RBM19: variants seen among roughly 807,000 people sequenced by gnomAD.
RBM19 encodes RNA binding motif protein 19.
Under a neutral mutation model 116.8 loss-of-function variants are expected in RBM19, and 94 were observed. That is an observed-to-expected ratio of 0.80 (90% CI 0.68 to 0.95). RBM19 has a LOEUF of 0.95. RBM19 is among the 40% of genes least tolerant of loss of function. RBM19 has a pLI of 0.00. For synonymous variants in RBM19, 475 were observed against 494.1 expected (o/e 0.96, Z 0.51); for missense variants, 1,161 against 1,220.7 (o/e 0.95, Z 0.73).
rs928311117 is a variant in RBM19, at chr12:113,846,290, C to T, written c.2665-1502G>A. The stretch of plus-strand genomic sequence containing the variant: ...TTTTATGCTGTGAAGAATCATATAA[C>T]TGGAAGGGTCTGGATGGGAACCCAT... On this transcript the variant is annotated intron_variant, in intron 22 of 23. Transcript: ENST00000261741. 3.3e-5 allele frequency among the ~76,000 whole-genome samples: 5 copies of T among 152,286 alleles called. No homozygotes were observed. The East Asian group carries it at 7.7e-4, about 24-fold the overall frequency.
At chr12:113,904,003 CT>C (rs891438035) in intron 21 of RBM19, among the ~76,000 whole-genome samples, 1 of 152,062 alleles carries the variant, frequency 6.6e-6, no homozygotes, top group Non-Finnish European at 1.5e-5. Context: ...AACTCAAGAT[CT>C]TTTTTTTGAA....
At position 113,832,136 on chromosome 12, in the gene RBM19, G is replaced by A. The variant is rs374266016; in HGVS notation, c.2786-8815C>T. ...TGGAACCACTTCCCAACATGACCAG[G>A]AGCTGGAGATAGGTTAAAACACACT... On this transcript the variant is annotated intron_variant, in intron 23 of 23. Coordinates refer to ENST00000261741, the MANE Select transcript of RBM19 (RefSeq NM_016196.4). Among the ~76,000 whole-genome samples the A allele has an allele frequency of 2.0e-4, 31 of 152,222 alleles. No individual in the cohort carries two copies. In the South Asian group the frequency reaches 5.2e-3, roughly 26 times the overall value.
chr12:113,924,020 C>G (rs1868830580), intron 18 of RBM19, among the ~76,000 whole-genome samples: 1 of 152,192 alleles, frequency 6.6e-6, no homozygotes, highest in Non-Finnish European at 1.5e-5. Flanking sequence ...CCTACAAATC[C>G]TGCCAAACCA....
intron 21 of RBM19, among the ~76,000 whole-genome samples, chr12:113,863,742 G>A (rs1275392521): frequency 1.3e-5 from 2 of 152,128 alleles, no homozygotes; most frequent in East Asian, 1.9e-4. Flanking sequence ...TCAGAACAAC[G>A]GTGTGATCTG....
downstream of RBM19, among the ~76,000 whole-genome samples, chr12:113,819,480 A>C (rs76065542): frequency 0.08 from 12,248 of 152,202 alleles, 865 homozygotes; most frequent in African/African-American, 0.16. Context: ...CCCCTGCAGC[A>C]GTCAGTCCTG....
chr12:113,882,605 A>G (rs1880226069), intron 21 of RBM19, among the ~76,000 whole-genome samples: 2 of 152,260 alleles, frequency 1.3e-5, no homozygotes, highest in Non-Finnish European at 2.9e-5. Flanking sequence ...TGGATTCTAA[A>G]TGAGAGCTGG....
intron 15 of RBM19, among the ~76,000 whole-genome samples, chr12:113,937,537 TTCTC>T (rs1485756478): frequency 6.6e-6 from 1 of 151,198 alleles, no homozygotes; most frequent in Non-Finnish European, 1.5e-5. Flanking sequence ...AGAACACACT[TTCTC>T]TCTATGTGCA....
Position 113,826,784 on chromosome 12 carries a change from A to C in RBM19, c.2786-3463T>G, listed in dbSNP as rs528335090. 8.5e-5 allele frequency among the ~76,000 whole-genome samples: 13 copies of C among 152,322 alleles called. No individual in the cohort carries two copies. In the South Asian group the frequency reaches 2.7e-3, roughly 32 times the overall value. ...ACCAACACCTGTGTTACTATTATTG[A>C]TAGGAAAGGTGTTGACTTCGTGTCT... On this transcript the variant is annotated intron_variant, in intron 23 of 23. Transcript: ENST00000261741.
chr12:113,913,966 G>A (rs962824220), intron 21 of RBM19, among the ~76,000 whole-genome samples: 1 of 152,174 alleles, frequency 6.6e-6, no homozygotes, highest in African/African-American at 2.4e-5. Context: ...TTGGGTGGGG[G>A]GGCCTTGGCT....
chr12:113,920,741 G>A (rs1868471859), intron 18 of RBM19, 51 bp from the exon 19 acceptor site: 1 of 1,541,926 alleles, frequency 6.5e-7, no homozygotes, highest in African/African-American at 1.4e-5. Flanking sequence ...GAAGCACAAG[G>A]CCAAGTGCAA....
At chr12:113,884,976 C>T (rs937296266) in intron 21 of RBM19, among the ~76,000 whole-genome samples, 6 of 152,062 alleles carry the variant, frequency 3.9e-5, no homozygotes, top group African/African-American at 9.7e-5. Flanking sequence ...AAGCCCTTCC[C>T]GGGGGAGAAT....
At chr12:113,889,675 A>C (rs199731854) in intron 21 of RBM19, among the ~76,000 whole-genome samples, 27,556 of 143,612 alleles carry the variant, frequency 0.19, 2,616 homozygotes, top group Middle Eastern at 0.23. Context: ...ACAAACAACA[A>C]AAAAAAAAAC....
chr12:113,882,433 C>A (rs564527585), intron 21 of RBM19, among the ~76,000 whole-genome samples: 1 of 152,234 alleles, frequency 6.6e-6, no homozygotes, highest in African/African-American at 2.4e-5. Flanking sequence ...TCCTAAATCA[C>A]CAGAATTCTG....
chr12:113,935,007 C>T (rs1010203925), intron 16 of RBM19, among the ~76,000 whole-genome samples: 1 of 152,196 alleles, frequency 6.6e-6, no homozygotes, highest in African/African-American at 2.4e-5. Context: ...AGCCCCATTC[C>T]CTGCCTTCAC....
intron 21 of RBM19, among the ~76,000 whole-genome samples, chr12:113,905,078 C>T (rs888825240): frequency 6.6e-6 from 1 of 152,198 alleles, no homozygotes; most frequent in Non-Finnish European, 1.5e-5. Context: ...TGCTAGTCCC[C>T]CTGAGAGACT....
At chr12:113,836,821 T>TACAA (rs1565964414) in intron 23 of RBM19, among the ~76,000 whole-genome samples, 1 of 138,132 alleles carries the variant, frequency 7.2e-6, no homozygotes, top group Non-Finnish European at 1.6e-5. Context: ...ACTTACTACA[T>TACAA]ACATACACAC....
At chr12:113,826,582 A>T (rs888959011) in intron 23 of RBM19, among the ~76,000 whole-genome samples, 15 of 152,218 alleles carry the variant, frequency 9.9e-5, no homozygotes, top group African/African-American at 3.4e-4. Flanking sequence ...ATGGTGGGGA[A>T]CAAGCCTGGC....
intron 15 of RBM19, 168 bp from the exon 16 acceptor site, chr12:113,937,304 T>C (rs1308863805): frequency 4.2e-6 from 3 of 717,294 alleles, no homozygotes; most frequent in Non-Finnish European, 6.5e-6. Context: ...GTCTACTCCC[T>C]GAGGACAACA....
rs1358536703 is a variant in RBM19, at chr12:113,960,156, C to T, written c.242G>A (p.Gly81Glu). 1.2e-6 allele frequency: 2 copies of T among 1,613,842 alleles called. No individual in the cohort carries two copies. Among genetic ancestry groups the T allele is most frequent in the Admixed American group, 1.7e-5 (1 of 60,024 alleles). The change falls in exon 3 of 24, where the codon GGG becomes GAG. Residue 81 changes from glycine to glutamate, a missense_variant. Gly to Glu is a moderately conservative substitution (Grantham distance 98). Coordinates refer to ENST00000261741, the MANE Select transcript of RBM19 (RefSeq NM_016196.4). ...CCAGGCTCTGGGTTTGGCCGGGTCC[C>T]CGAATGACTTGCAGAACTCCACCTG... The part of the protein sequence containing the change: ...RITVEFCKSF[G>E]DPAKPRAWSK...
Sources: allele counts gnomAD v4.1 joint callset (sites outside exome capture counted in the v4.1 genomes callset), GRCh38; gene constraint gnomAD v4.1.1; transcripts MANE v1.5; gene names NCBI Gene and HGNC (gene_info 2026-07-23, HGNC 2026-07-21).